Variants in NTM observed in about 807,000 individuals in gnomAD.
NTM encodes neurotrimin.
NTM carries 13 observed loss-of-function variants against 42.1 expected under a neutral mutation model. That is an observed-to-expected ratio of 0.31 (90% CI 0.20 to 0.49). NTM has a LOEUF of 0.49. NTM is among the 20% of genes least tolerant of loss of function. The probability of loss-of-function intolerance (pLI) is 0.99; values close to 1 mark genes in which losing one functional copy is unlikely to be tolerated. For missense variants in NTM, 373 were observed against 452.8 expected (o/e 0.82, Z 1.60); for synonymous variants, 187 against 179.2 (o/e 1.04, Z -0.35).
intron 1 of NTM, chr11:131,767,288 T>G (rs1437720603): frequency 4.6e-6 from 1 of 216,882 alleles, no homozygotes; most frequent in Non-Finnish European, 7.9e-6. Flanking sequence ...CCAGGCACAG[T>G]GGCTCATGCC....
chr11:131,998,350 A>T (rs891819437), intron 2 of NTM, among the ~76,000 whole-genome samples: 4 of 152,146 alleles, frequency 2.6e-5, no homozygotes, highest in Non-Finnish European at 4.4e-5. Flanking sequence ...CAGTCCCAAT[A>T]AATCAGTATC....
At chr11:131,749,566 A>G (rs1173482631) in intron 1 of NTM, among the ~76,000 whole-genome samples, 1 of 152,148 alleles carries the variant, frequency 6.6e-6, no homozygotes, top group Admixed American at 6.5e-5. Context: ...TTGTTGACGT[A>G]TGTCCCTGCA....
chr11:131,755,049 G>A lies in NTM; in HGVS notation c.83-156515G>A, dbSNP rs78941444. On this transcript the variant is annotated intron_variant, in intron 1 of 8. Coordinates refer to ENST00000683400, the MANE Select transcript of NTM (RefSeq NM_001352005.2). Reference sequence around the variant, plus strand: ...AAGGTCTGGGGCTAAAGAGCCTTGGGTATTGATGGCAGGAAGCATGAGGTA... The same window carrying A: ...AAGGTCTGGGGCTAAAGAGCCTTGGATATTGATGGCAGGAAGCATGAGGTA... Among the ~76,000 whole-genome samples, 424 of 152,286 alleles carry A rather than the reference G, an allele frequency of 2.8e-3. 1 individual carries two copies. The highest frequency in any genetic ancestry group is 9.9e-3 in the African/African-American group (411 of 41,552).
At chr11:131,379,225 C>T (rs1240482581) in intron 1 of NTM, among the ~76,000 whole-genome samples, 1 of 152,134 alleles carries the variant, frequency 6.6e-6, no homozygotes, top group East Asian at 1.9e-4. Flanking sequence ...GGGCTCTGAC[C>T]CCTCAACAAT....
intron 1 of NTM, among the ~76,000 whole-genome samples, chr11:131,649,052 A>G (rs2066132459): frequency 6.6e-6 from 1 of 152,186 alleles, no homozygotes; most frequent in Non-Finnish European, 1.5e-5. Flanking sequence ...CCTCTCATCG[A>G]GCACTATGAC....
chr11:132,172,316 C>T (rs1490036871), intron 3 of NTM, among the ~76,000 whole-genome samples: 6 of 152,190 alleles, frequency 3.9e-5, no homozygotes, highest in South Asian at 2.1e-4. Flanking sequence ...TCAAAACCAA[C>T]GATGGTCTGC....
chr11:131,739,998 T>C (rs1204500322), intron 1 of NTM, among the ~76,000 whole-genome samples: 1 of 152,202 alleles, frequency 6.6e-6, no homozygotes, highest in Admixed American at 6.5e-5. Flanking sequence ...AAAAAATCAA[T>C]AGTTTTGGAG....
At chr11:131,895,403 G>C (rs1354982316) in intron 1 of NTM, among the ~76,000 whole-genome samples, 1 of 152,082 alleles carries the variant, frequency 6.6e-6, no homozygotes, top group Non-Finnish European at 1.5e-5. Flanking sequence ...ATGAAATAAA[G>C]GTAATAGTAC....
At chr11:132,080,282 G>A (rs1323052539) in intron 2 of NTM, among the ~76,000 whole-genome samples, 1 of 152,174 alleles carries the variant, frequency 6.6e-6, no homozygotes, top group Non-Finnish European at 1.5e-5. Context: ...AATTTGCCAA[G>A]TGACTAAATG....
At chr11:132,240,045 C>T (rs2089916073) in intron 4 of NTM, among the ~76,000 whole-genome samples, 1 of 139,772 alleles carries the variant, frequency 7.2e-6, no homozygotes, top group South Asian at 2.2e-4. Flanking sequence ...CATCATCCGT[C>T]CATCCCTCCA....
At chr11:132,318,914 A>C (rs764552562) in intron 7 of NTM, among the ~76,000 whole-genome samples, 77 of 151,328 alleles carry the variant, frequency 5.1e-4, no homozygotes, top group Non-Finnish European at 9.9e-4. Flanking sequence ...GAAAAAAAGT[A>C]CCTTTTTATC....
chr11:131,932,465 A>G (rs190416111), intron 2 of NTM, among the ~76,000 whole-genome samples: 1 of 152,226 alleles, frequency 6.6e-6, no homozygotes, highest in African/African-American at 2.4e-5. Flanking sequence ...TGAGGAAAAG[A>G]GATTGTACAT....
intron 2 of NTM, among the ~76,000 whole-genome samples, chr11:132,005,281 G>A (rs761405878): frequency 1.3e-5 from 2 of 152,166 alleles, no homozygotes; most frequent in Non-Finnish European, 2.9e-5. Flanking sequence ...CAGAAAGACT[G>A]GAGAATAAAT....
chr11:131,548,102 G>A (rs2054180076), intron 1 of NTM, among the ~76,000 whole-genome samples: 1 of 152,092 alleles, frequency 6.6e-6, no homozygotes, highest in Non-Finnish European at 1.5e-5. Context: ...TGTGAAATAG[G>A]GATAATAATA....
At chr11:132,076,543 C>T (rs1030508382) in intron 2 of NTM, among the ~76,000 whole-genome samples, 5 of 152,268 alleles carry the variant, frequency 3.3e-5, no homozygotes, top group Admixed American at 3.3e-4. Flanking sequence ...ATTTGAAAAT[C>T]AAATCTAATA....
chr11:132,146,572 T>A lies in NTM; in HGVS notation c.400+58T>A. On this transcript the variant is annotated intron_variant, in intron 3 of 8. Coordinates refer to ENST00000683400, the MANE Select transcript of NTM (RefSeq NM_001352005.2). The surrounding 1 kb of genome is among the most constrained non-coding windows in gnomAD (Gnocchi z 4.5). ...CTGGCCAGCCTGGAAAGCCTTCAGG[T>A]AAAGGTTTGTTCTCTGATCCTCAAC... 1 of 1,565,516 alleles carries A rather than the reference T, an allele frequency of 6.4e-7. No homozygotes were observed. Among genetic ancestry groups the A allele is most frequent in the Non-Finnish European group, 8.7e-7 (1 of 1,146,922 alleles).
At chr11:131,798,412 T>C (rs553222214) in intron 1 of NTM, among the ~76,000 whole-genome samples, 4 of 152,330 alleles carry the variant, frequency 2.6e-5, no homozygotes, top group African/African-American at 9.6e-5. Context: ...TGTCCTCCCG[T>C]GGCCTCGCTT....
chr11:132,049,398 C>T (rs2078520850), intron 2 of NTM, among the ~76,000 whole-genome samples: 1 of 152,176 alleles, frequency 6.6e-6, no homozygotes, highest in Admixed American at 6.5e-5. Context: ...GAGCCACACC[C>T]TTTCATCCAT....
chr11:131,961,231 G>A (rs545302011), intron 2 of NTM, among the ~76,000 whole-genome samples: 1 of 152,222 alleles, frequency 6.6e-6, no homozygotes, highest in East Asian at 1.9e-4. Flanking sequence ...CATTTATTTT[G>A]TCCTGTTGAT....
Sources: allele counts gnomAD v4.1 joint callset (sites outside exome capture counted in the v4.1 genomes callset), GRCh38; gene constraint gnomAD v4.1.1; non-coding constraint Gnocchi (gnomAD v3.1); transcripts MANE v1.5; gene names NCBI Gene and HGNC (gene_info 2026-07-23, HGNC 2026-07-21).